The following TOMM20L variants were observed in gnomAD, a reference collection of about 807,000 sequenced individuals.
TOMM20L encodes the protein translocase of outer mitochondrial membrane 20 like, also known as TOMM20-like protein 1.
TOMM20L carries 19 observed loss-of-function variants against 20.4 expected under a neutral mutation model. That is an observed-to-expected ratio of 0.93 (90% CI 0.65 to 1.36). TOMM20L has a LOEUF of 1.36. Ranked by LOEUF, TOMM20L falls within the 40% of genes most tolerant of loss-of-function variation. The probability of loss-of-function intolerance (pLI) is 0.00; values close to 1 mark genes in which losing one functional copy is unlikely to be tolerated. For synonymous variants in TOMM20L, 75 were observed against 79.6 expected (o/e 0.94, Z 0.30); for missense variants, 218 against 203.7 (o/e 1.07, Z -0.43).
the TOMM20L span, among the ~76,000 whole-genome samples, chr14:58,413,721 G>A: frequency 6.6e-6 from 1 of 152,154 alleles, no homozygotes; most frequent in Non-Finnish European, 1.5e-5. Context: ...ATTTGTATTT[G>A]TATAGGCTGG....
intron 2 of TOMM20L, among the ~76,000 whole-genome samples, chr14:58,400,721 T>TA (rs1471631303): frequency 1.3e-5 from 2 of 151,790 alleles, no homozygotes; most frequent in Non-Finnish European, 2.9e-5. Context: ...CTACTAAAAA[T>TA]ACAAAAATTG....
At chr14:58,397,492 A>C (rs2035942996) in intron 2 of TOMM20L, among the ~76,000 whole-genome samples, 1 of 152,214 alleles carries the variant, frequency 6.6e-6, no homozygotes, top group African/African-American at 2.4e-5. Flanking sequence ...TTTTTGAAAC[A>C]TGCAGTTTTT....
At chr14:58,414,290 T>C in the TOMM20L span, among the ~76,000 whole-genome samples, 4 of 152,238 alleles carry the variant, frequency 2.6e-5, no homozygotes, top group African/African-American at 9.6e-5. Context: ...TCGTTGAAAC[T>C]AGTAGTAAAT....
At position 58,407,419 on chromosome 14, in the gene TOMM20L, C is replaced by G. The variant is rs879005291; in HGVS notation, c.356C>G (p.Pro119Arg). 4 of 1,613,854 alleles carry G rather than the reference C, an allele frequency of 2.5e-6. No homozygotes were observed. The Admixed American group carries it at 5.0e-5, about 20-fold the overall frequency. ...CTGAAAGTTTTCAAACACACTCTCC[C>G]TCCCAAGGTATTTGAGATGCTGTTG... ...ELLKVFKHTL[P>R]PKVFEMLLHK... The change falls in exon 4 of 5, where the codon CCT becomes CGT. Residue 119 changes from proline to arginine, a missense_variant. By Grantham distance (103) the Pro-to-Arg change is moderately radical. Coordinates refer to ENST00000360945, the MANE Select transcript of TOMM20L (RefSeq NM_207377.3).
At chr14:58,412,761 C>T (rs899113270), downstream of TOMM20L, among the ~76,000 whole-genome samples, 2 of 151,998 alleles carry the variant, frequency 1.3e-5, no homozygotes, top group African/African-American at 2.4e-5. Flanking sequence ...ATTGGCCAGA[C>T]GTGGTGTCAT....
chr14:58,408,237 T>G (rs2036095401), intron 4 of TOMM20L, among the ~76,000 whole-genome samples: 1 of 151,766 alleles, frequency 6.6e-6, no homozygotes, highest in Non-Finnish European at 1.5e-5. Context: ...GCCAATGTGG[T>G]GAAACCCCAT....
downstream of TOMM20L, among the ~76,000 whole-genome samples, chr14:58,412,719 AG>A (rs1285650095): frequency 6.6e-6 from 1 of 152,056 alleles, no homozygotes; most frequent in Non-Finnish European, 1.5e-5. Context: ...TGGCCAACAT[AG>A]TGAAACCCTA....
intron 3 of TOMM20L, among the ~76,000 whole-genome samples, chr14:58,403,620 T>C (rs933676696): frequency 6.2e-4 from 95 of 152,038 alleles, no homozygotes; most frequent in African/African-American, 2.0e-3. Flanking sequence ...GGGCGGATCA[T>C]GAGGTCAGGA....
chr14:58,407,224 G>T, intron 3 of TOMM20L, 102 bp from the exon 4 acceptor site: 1 of 1,147,010 alleles, frequency 8.7e-7, no homozygotes, highest in South Asian at 1.5e-5. Context: ...TCTTTAGTTG[G>T]ATATGCTTTT....
chr14:58,398,953 C>G (rs2035958280), intron 2 of TOMM20L: 1 of 151,866 alleles, frequency 6.6e-6, no homozygotes, highest in Non-Finnish European at 1.5e-5. Flanking sequence ...TGGCAATGAT[C>G]ACAGCTCACT....
chr14:58,414,061 G>A, the TOMM20L span, among the ~76,000 whole-genome samples: 8 of 111,008 alleles, frequency 7.2e-5, 1 homozygote, highest in South Asian at 1.0e-3. Context: ...AAAGCTGTTT[G>A]AAACAGAAAT....
At chr14:58,408,485 T>G (rs1296482080) in intron 4 of TOMM20L, 44 bp from the exon 5 acceptor site, 6 of 1,564,636 alleles carry the variant, frequency 3.8e-6, no homozygotes, top group Non-Finnish European at 5.3e-6. Flanking sequence ...AAAAGGATCA[T>G]GCATTGAAAT....
chr14:58,397,854 C>G (rs539237274), intron 2 of TOMM20L, among the ~76,000 whole-genome samples: 1 of 152,208 alleles, frequency 6.6e-6, no homozygotes, highest in South Asian at 2.1e-4. Flanking sequence ...TTAGATTGAT[C>G]AAGCAGGAGT....
chr14:58,405,072 G>T (rs2036041113), intron 3 of TOMM20L, among the ~76,000 whole-genome samples: 1 of 151,710 alleles, frequency 6.6e-6, no homozygotes, highest in Admixed American at 6.6e-5. Context: ...AGGTTCAAGC[G>T]ATTCTCCGGC....
At chr14:58,409,852 C>G (rs924196105), downstream of TOMM20L, among the ~76,000 whole-genome samples, 8 of 151,880 alleles carry the variant, frequency 5.3e-5, no homozygotes, top group Non-Finnish European at 7.4e-5. Flanking sequence ...TGCTGAAGTT[C>G]CAGGCGTGAG....
intron 3 of TOMM20L, 49 bp downstream of exon 3, chr14:58,402,810 A>G (rs753013538): frequency 7.4e-7 from 1 of 1,344,442 alleles, no homozygotes; most frequent in Non-Finnish European, 1.1e-6. Flanking sequence ...TATACTTGAG[A>G]AATATTTATT....
downstream of TOMM20L, among the ~76,000 whole-genome samples, chr14:58,413,037 C>G (rs754801351): frequency 6.6e-6 from 1 of 152,214 alleles, no homozygotes; most frequent in Non-Finnish European, 1.5e-5. Flanking sequence ...TATACTCAGT[C>G]GAATACATCA....
chr14:58,410,349 T>C, downstream of TOMM20L, among the ~76,000 whole-genome samples: 1 of 152,056 alleles, frequency 6.6e-6, no homozygotes, highest in East Asian at 1.9e-4. Flanking sequence ...TGCTGGGAGT[T>C]CAAAGTTACA....
In TOMM20L at chr14:58,396,180, C is replaced by T. The variant is rs1036601000; in HGVS notation, c.136+87C>T. 5.7e-6 allele frequency: 8 copies of T among 1,409,582 alleles called. No homozygotes were observed. The African/African-American group carries it at 1.2e-4, about 21-fold the overall frequency. The allele number at this position is 1,409,582 out of a possible 1,614,324, so 87.3% of individuals were successfully genotyped here. On this transcript the variant is annotated intron_variant, in intron 1 of 4. Coordinates refer to ENST00000360945, the MANE Select transcript of TOMM20L (RefSeq NM_207377.3). ...GAGGGCCCCCCACTGAGAGGCCGGG[C>T]CGTGAGTGCCTCAGCCTCTGCCGAG...
Sources: allele counts gnomAD v4.1 joint callset (sites outside exome capture counted in the v4.1 genomes callset), GRCh38; gene constraint gnomAD v4.1.1; transcripts MANE v1.5; gene names NCBI Gene and HGNC (gene_info 2026-07-23, HGNC 2026-07-21).